RUSC2: variants seen among roughly 807,000 people sequenced by gnomAD.
RUSC2 encodes RUN and SH3 domain containing 2, also known as AP-4 complex accessory subunit RUSC2.
RUSC2 carries 34 observed loss-of-function variants against 122.2 expected under a neutral mutation model. That is an observed-to-expected ratio of 0.28 (90% CI 0.21 to 0.37). RUSC2 has a LOEUF of 0.37. Among genes scored for constraint, RUSC2 ranks in the 10% least tolerant of loss-of-function variants. The pLI is 1.00. For missense variants in RUSC2, 1,747 were observed against 1,952.4 expected (o/e 0.89, Z 1.98); for synonymous variants, 784 against 790.0 (o/e 0.99, Z 0.13).
chr9:35,503,141 C>G lies in RUSC2; in HGVS notation c.-93+12969C>G, dbSNP rs182521531. Among the ~76,000 whole-genome samples the G allele has an allele frequency of 2.2e-4, 34 of 152,264 alleles. 1 individual carries two copies. The East Asian group carries it at 6.4e-3, about 29-fold the overall frequency. ...CTTCCCAAAGTGCAGGGATTACAGG[C>G]GTGAGCCACCGCACCCAGCCAGATA... On this transcript the variant is annotated intron_variant, in intron 1 of 11. Coordinates refer to ENST00000361226, the MANE Select transcript of RUSC2 (RefSeq NM_014806.5).
chr9:35,554,611 A>C (rs1277547570), intron 2 of RUSC2, among the ~76,000 whole-genome samples: 1 of 152,246 alleles, frequency 6.6e-6, no homozygotes, highest in East Asian at 1.9e-4. Context: ...ATCGGAAAAA[A>C]GGAGAAAGGT....
Position 35,547,790 on chromosome 9 carries a change from A to T in RUSC2, c.1269A>T (p.Glu423Asp). 1 of 1,614,128 alleles carries T rather than the reference A, an allele frequency of 6.2e-7. No homozygotes were observed. The highest frequency in any genetic ancestry group is 8.5e-7 in the Non-Finnish European group (1 of 1,180,028). The change falls in exon 2 of 12, where the codon GAA becomes GAT. Residue 423 changes from glutamate (E) to aspartate (D), a missense_variant. Glu to Asp is a conservative substitution (Grantham distance 45, BLOSUM62 2). Coordinates refer to ENST00000361226, the MANE Select transcript of RUSC2 (RefSeq NM_014806.5). The surrounding 1 kb of genome is among the most constrained non-coding windows in gnomAD (Gnocchi z 4.6). ...CTTCCATCACTAGCTGCTCTGAGGA[A>T]CACACCAAGATAAGTCCCCCACCAG... ...AGSSITSCSEEHTKISPPPGP... is the reference protein window; with the variant it reads ...AGSSITSCSEDHTKISPPPGP...
At chr9:35,503,203 C>G (rs753991275) in intron 1 of RUSC2, among the ~76,000 whole-genome samples, 4 of 151,978 alleles carry the variant, frequency 2.6e-5, no homozygotes, top group Admixed American at 6.6e-5. Context: ...TTTGGTGCAC[C>G]CATCACCTGA....
At chr9:35,534,943 CA>C (rs1821492465) in intron 1 of RUSC2, among the ~76,000 whole-genome samples, 1 of 151,796 alleles carries the variant, frequency 6.6e-6, no homozygotes, top group African/African-American at 2.4e-5. Context: ...CTTTGAAGAA[CA>C]AAAGTTTTAA....
rs55836338 is a variant in RUSC2, at chr9:35,534,419, T to TACACACAC, written c.-92-11979_-92-11972dup. On this transcript the variant is annotated intron_variant, in intron 1 of 11. Coordinates refer to ENST00000361226, the MANE Select transcript of RUSC2 (RefSeq NM_014806.5). ...GTGAGACCCCCATCTCTACAAATAA[T>TACACACAC]ACACACACACACACACACACACACA... Among the ~76,000 whole-genome samples the TACACACAC allele has an allele frequency of 9.8e-3, 1,387 of 140,990 alleles. 12 individuals are homozygous for TACACACAC. Among genetic ancestry groups the TACACACAC allele is most frequent in the African/African-American group, 0.018 (659 of 37,448 alleles). The allele number at this position is 140,990 out of a possible 152,430, so 92.5% of individuals were successfully genotyped here. A position where few individuals can be genotyped will look rare whatever the true frequency, so the allele number is the denominator to read the frequency against.
Position 35,556,410 on chromosome 9 carries a change from G to A in RUSC2, c.2945G>A (p.Ser982Asn). 1 of 1,614,216 alleles carries A rather than the reference G, an allele frequency of 6.2e-7. No individual in the cohort carries two copies. Among genetic ancestry groups the A allele is most frequent in the South Asian group, 1.1e-5 (1 of 91,090 alleles). Reference sequence around the variant, plus strand: ...GAGTTTTGTCTGTCCCCAGATGGCAGCTCAGAGGCCATTTCCATTGACCTG... The same window carrying A: ...GAGTTTTGTCTGTCCCCAGATGGCAACTCAGAGGCCATTTCCATTGACCTG... ...PAEFCLSPDG[S>N]SEAISIDLLQ... Residue 982 changes from serine (S) to asparagine (N), a missense_variant, in exon 5 of 12, where the codon AGC (serine) becomes AAC (asparagine). Transcript: ENST00000361226.
At position 35,555,866 on chromosome 9, in the gene RUSC2, C is replaced by T. The variant is rs1822005399; in HGVS notation, c.2657-86C>T. The T allele has an allele frequency of 1.3e-6, 2 of 1,510,900 alleles. No homozygotes were observed. The highest frequency in any genetic ancestry group is 2.8e-5 in the African/African-American group (2 of 72,004). The allele number at this position is 1,510,900 out of a possible 1,614,324, so 93.6% of individuals were successfully genotyped here. ...AATATCCACAGATAATCTAGTGTTT[C>T]ATATGGGCCCACTGGGTGGATGTGA... On this transcript the variant is annotated intron_variant, in intron 3 of 11. Transcript: ENST00000361226. The surrounding 1 kb of genome is among the most constrained non-coding windows in gnomAD (Gnocchi z 4.6).
At chr9:35,559,293 G>T (rs375227401) in intron 9 of RUSC2, 21 bp downstream of exon 9, 4 of 1,600,180 alleles carry the variant, frequency 2.5e-6, no homozygotes, top group African/African-American at 1.3e-5. Flanking sequence ...GAACCCTGCA[G>T]GTCAAACTCA....
chr9:35,520,922 G>C lies in RUSC2; in HGVS notation c.-92-25508G>C, dbSNP rs138780958. Among the ~76,000 whole-genome samples the C allele has an allele frequency of 2.7e-4, 41 of 152,224 alleles. 1 individual carries two copies. The highest frequency in any genetic ancestry group is 2.3e-3 in the Admixed American group (35 of 15,290). On this transcript the variant is annotated intron_variant, in intron 1 of 11. Transcript: ENST00000361226. ...TGCTCTCTCCATCACCTCATCTGAA[G>C]AACTCGGTCTGTCAAGGTAGGAACC...
Position 35,560,011 on chromosome 9 carries a change from C to T in RUSC2, c.3389-18C>T. The T allele has an allele frequency of 6.4e-7, 1 of 1,567,388 alleles. No homozygotes were observed. Among genetic ancestry groups the T allele is most frequent in the Non-Finnish European group, 8.7e-7 (1 of 1,150,520 alleles). ...TCTGGTTCTCTGTGTGGATCAGTCC[C>T]TCTCTCTTTTCCCCTAGACATCATC... On this transcript the variant is annotated intron_variant, in intron 9 of 11. Coordinates refer to ENST00000361226, the MANE Select transcript of RUSC2 (RefSeq NM_014806.5).
At chr9:35,556,841 C>A (rs560149200) in intron 5 of RUSC2, among the ~76,000 whole-genome samples, 8 of 152,298 alleles carry the variant, frequency 5.3e-5, no homozygotes, top group African/African-American at 1.4e-4. Flanking sequence ...AAGAAAACCA[C>A]AAACAAATCT....
In RUSC2 at chr9:35,561,214, C is replaced by T. The variant is rs758222197; in HGVS notation, c.4383C>T (p.Thr1461=). The T allele has an allele frequency of 1.5e-5, 24 of 1,613,988 alleles. No individual in the cohort carries two copies. Among genetic ancestry groups the T allele is most frequent in the Admixed American group, 6.7e-5 (4 of 60,000 alleles). Residue 1461 remains threonine (T), a synonymous_variant, in exon 12 of 12, where the codon ACC becomes ACT. Coordinates refer to ENST00000361226, the MANE Select transcript of RUSC2 (RefSeq NM_014806.5). ...AGGCACTGTGCCACCACCTGGCCAC[C>T]GGCCCTGGACAGCTGAGCTTCCACA... ...EVQALCHHLA[T]GPGQLSFHKG...
Position 35,561,706 on chromosome 9 carries a change from G to C in RUSC2, c.*324G>C. On this transcript the variant is annotated 3_prime_UTR_variant, in exon 12 of 12. Transcript: ENST00000361226. ...GGGTGGCCCAGAAAGCCATCTACAG[G>C]GTTCCCTAGGCCAGGTGGAGATGAG... 3 of 530,856 alleles carry C rather than the reference G, an allele frequency of 5.7e-6. No homozygotes were observed. In the South Asian group the frequency reaches 8.0e-5, roughly 14 times the overall value. The allele number at this position is 530,856 out of a possible 1,614,324, so 32.9% of individuals were successfully genotyped here. A position where few individuals can be genotyped will look rare whatever the true frequency, so the allele number is the denominator to read the frequency against.
chr9:35,538,311 T>C (rs972965022), intron 1 of RUSC2, among the ~76,000 whole-genome samples: 3 of 152,068 alleles, frequency 2.0e-5, no homozygotes, highest in African/African-American at 4.8e-5. Context: ...CACCACCCAG[T>C]GTACAGAAGC....
At position 35,548,004 on chromosome 9, in the gene RUSC2, C is replaced by T. The variant is rs776857583; in HGVS notation, c.1483C>T (p.Arg495Cys). The T allele has an allele frequency of 1.9e-6, 3 of 1,613,890 alleles. No homozygotes were observed. The highest frequency in any genetic ancestry group is 2.2e-5 in the East Asian group (1 of 44,892). The change falls in exon 2 of 12, where the codon CGC becomes TGC. Residue 495 changes from arginine to cysteine, a missense_variant. Transcript: ENST00000361226. This position sits in a 1 kb window ranked among gnomAD's most constrained non-coding sequence, Gnocchi z 4.5. ...CCCCAACCTCAGCACTGGACGTCAG[C>T]GCTCCCGCAGCTATGATCGCAGCCT... ...SPPNLSTGRQ[R>C]SRSYDRSLQR...
At chr9:35,516,022 AAGAG>A (rs562839170) in intron 1 of RUSC2, among the ~76,000 whole-genome samples, 2 of 127,208 alleles carry the variant, frequency 1.6e-5, no homozygotes, top group African/African-American at 5.7e-5. Flanking sequence ...AAAAAAAAAA[AAGAG>A]AAATGCGCTT....
rs1370209107 is a variant in RUSC2, at chr9:35,546,024, T to TTAG, written c.-92-406_-92-405insTAG. On this transcript the variant is annotated intron_variant, in intron 1 of 11. Transcript: ENST00000361226. This position sits in a 1 kb window ranked among gnomAD's most constrained non-coding sequence, Gnocchi z 4.3. Reference sequence around the variant, plus strand: ...TAAACTTGTGTGCTATAGCTGTGTCTAAGCCTTAAACATCCTAGATGGTTT... The same window carrying TTAG: ...TAAACTTGTGTGCTATAGCTGTGTCTTAGAAGCCTTAAACATCCTAGATGGTTT... 6.6e-6 allele frequency among the ~76,000 whole-genome samples: 1 copy of TTAG among 152,234 alleles called. No homozygotes were observed. Among genetic ancestry groups the TTAG allele is most frequent in the Non-Finnish European group, 1.5e-5 (1 of 68,034 alleles).
Position 35,548,710 on chromosome 9 carries a change from A to G in RUSC2, c.2014+175A>G. 1.0e-6 allele frequency: 1 copy of G among 985,140 alleles called. No homozygotes were observed. Among genetic ancestry groups the G allele is most frequent in the Non-Finnish European group, 1.2e-6 (1 of 829,704 alleles). The allele number at this position is 985,140 out of a possible 1,614,324, so 61.0% of individuals were successfully genotyped here. On this transcript the variant is annotated intron_variant, in intron 2 of 11. Coordinates refer to ENST00000361226, the MANE Select transcript of RUSC2 (RefSeq NM_014806.5). The surrounding 1 kb of genome is among the most constrained non-coding windows in gnomAD (Gnocchi z 4.5). ...CCCACAGCTACAGTGGAATAGGCTCACTGGAGAAAGACAGAGGACTCAAAA... is the reference window on the plus strand; with the variant it reads ...CCCACAGCTACAGTGGAATAGGCTCGCTGGAGAAAGACAGAGGACTCAAAA...
chr9:35,512,137 C>T (rs563705751), intron 1 of RUSC2, among the ~76,000 whole-genome samples: 5 of 151,910 alleles, frequency 3.3e-5, no homozygotes, highest in South Asian at 2.1e-4. Flanking sequence ...GCCAAGATCG[C>T]GCCACTGCAC....
Sources: gnomAD v4.1 joint callset for allele counts (sites outside exome capture counted in the v4.1 genomes callset) on GRCh38, gnomAD v4.1.1 for gene constraint, Gnocchi (gnomAD v3.1) non-coding constraint, MANE v1.5 for transcripts, NCBI Gene and HGNC (gene_info 2026-07-23, HGNC 2026-07-21) for gene names.